FAM204A: variants seen among roughly 807,000 people sequenced by gnomAD.
FAM204A encodes the protein family with sequence similarity 204 member A, also known as protein FAM204A.
A neutral mutation model predicts 35.4 loss-of-function variants in FAM204A; 16 were observed. The ratio of observed to expected loss-of-function variants is 0.45; its 90% confidence interval spans 0.31 to 0.69. The LOEUF (loss-of-function observed/expected upper bound fraction) is 0.69, where lower values mean the gene tolerates loss of function less well. FAM204A is among the 30% of genes least tolerant of loss of function. The pLI, the probability that FAM204A is intolerant of heterozygous loss-of-function variation, is 0.07. For missense variants in FAM204A, 240 were observed against 265.7 expected (o/e 0.90, Z 0.67); for synonymous variants, 76 against 86.9 (o/e 0.88, Z 0.70).
In FAM204A at chr10:118,302,822, T is replaced by C. The variant is rs927622222; in HGVS notation, c.*8035A>G. 6 of 152,226 alleles carry C rather than the reference T, an allele frequency of 3.9e-5. No homozygotes were observed. The highest frequency in any genetic ancestry group is 7.3e-5 in the Non-Finnish European group (5 of 68,046). 9.4% of individuals were successfully genotyped at this position (152,226 alleles called of 1,614,324 possible). The stretch of plus-strand genomic sequence containing the variant: ...TGGTTTGTGATAAGACATGTGCAAG[T>C]TGCACTGACTTGCTTTCCTCTTTCC... On this transcript the variant is annotated 3_prime_UTR_variant, in exon 9 of 9. Coordinates refer to ENST00000369183, the MANE Select transcript of FAM204A (RefSeq NM_022063.3).
chr10:118,326,220 G>C lies in FAM204A; in HGVS notation c.477C>G (p.Asp159Glu), dbSNP rs375193510. Reference sequence around the variant, plus strand: ...CAATATTCCACTCCTCCACAGCCTGGTCTATCCTCTTTTCAAGGCCTGACT... The same window carrying C: ...CAATATTCCACTCCTCCACAGCCTGCTCTATCCTCTTTTCAAGGCCTGACT... ...VEKSGLEKRI[D>E]QAVEEWNIEK... Residue 159 changes from aspartate (D) to glutamate (E), a missense_variant, in exon 7 of 9, where the codon GAC becomes GAG. This residue lies in a region of FAM204A where 232 missense variants were observed against 242.8 expected (regional missense o/e 0.96). Transcript: ENST00000369183. The C allele has an allele frequency of 1.3e-5, 21 of 1,613,258 alleles. No individual in the cohort carries two copies. Among genetic ancestry groups the C allele is most frequent in the Non-Finnish European group, 1.2e-5 (14 of 1,179,686 alleles).
chr10:118,298,620 A>G lies in FAM204A; in HGVS notation c.*12237T>C, dbSNP rs892115527. The G allele has an allele frequency of 3.3e-5, 5 of 152,336 alleles. No individual in the cohort carries two copies. Among genetic ancestry groups the G allele is most frequent in the Middle Eastern group, 6.8e-3 (2 of 294 alleles). 9.4% of individuals were successfully genotyped at this position (152,336 alleles called of 1,614,324 possible). ...CCGATAGAGAAACTTGCTTCAGGACAAGATCTAGCTTGGAGCAGGTCGTAG... is the reference window on the plus strand; with the variant it reads ...CCGATAGAGAAACTTGCTTCAGGACGAGATCTAGCTTGGAGCAGGTCGTAG... On this transcript the variant is annotated 3_prime_UTR_variant, in exon 9 of 9. Coordinates refer to ENST00000369183, the MANE Select transcript of FAM204A (RefSeq NM_022063.3).
rs1009436268 is a variant in FAM204A at position 118,310,022 on chromosome 10, T to G, written c.*835A>C. Reference sequence around the variant, plus strand: ...CTGAAATATCAAGTCTGCCTCCAATTAAAAAAAAACAGTAACTACTTTTAT... The same window carrying G: ...CTGAAATATCAAGTCTGCCTCCAATGAAAAAAAAACAGTAACTACTTTTAT... On this transcript the variant is annotated 3_prime_UTR_variant, in exon 9 of 9. Transcript: ENST00000369183. 4 of 150,922 alleles carry G rather than the reference T, an allele frequency of 2.7e-5. No homozygotes were observed. The highest frequency in any genetic ancestry group is 9.7e-5 in the African/African-American group (4 of 41,042). The allele number at this position is 150,922 out of a possible 1,614,324, so 9.3% of individuals were successfully genotyped here. A position where few individuals can be genotyped will look rare whatever the true frequency, so the allele number is the denominator to read the frequency against.
intron 7 of FAM204A, among the ~76,000 whole-genome samples, chr10:118,319,937 G>A (rs1018529185): frequency 6.6e-6 from 1 of 151,760 alleles, no homozygotes; most frequent in Non-Finnish European, 1.5e-5. Context: ...AATCTTTAAG[G>A]GCATAAAAAA....
At chr10:118,334,400 C>T (rs773635315) in intron 6 of FAM204A, among the ~76,000 whole-genome samples, 7 of 152,162 alleles carry the variant, frequency 4.6e-5, no homozygotes, top group Non-Finnish European at 8.8e-5. Context: ...TTCTACAATA[C>T]GCCTCAAATC....
At chr10:118,337,975 T>C (rs772653796) in intron 2 of FAM204A, among the ~76,000 whole-genome samples, 6 of 152,208 alleles carry the variant, frequency 3.9e-5, no homozygotes, top group Non-Finnish European at 8.8e-5. Context: ...ATTTGCTTCC[T>C]TGATAGTCAC....
At chr10:118,316,133 A>C (rs777611801) in intron 7 of FAM204A, among the ~76,000 whole-genome samples, 2 of 152,174 alleles carry the variant, frequency 1.3e-5, no homozygotes, top group Non-Finnish European at 2.9e-5. Flanking sequence ...ATAACATACA[A>C]AGTTCAAGAA....
At chr10:118,323,537 G>A (rs1461730443) in intron 7 of FAM204A, among the ~76,000 whole-genome samples, 1 of 151,980 alleles carries the variant, frequency 6.6e-6, no homozygotes, top group Non-Finnish European at 1.5e-5. Context: ...CATCCCTAAG[G>A]ACTGGTTACT....
In FAM204A at chr10:118,335,588, T is replaced by C; in HGVS notation, c.288A>G (p.Arg96=). 1 of 1,611,676 alleles carries C rather than the reference T, an allele frequency of 6.2e-7. No individual in the cohort carries two copies. The highest frequency in any genetic ancestry group is 8.5e-7 in the Non-Finnish European group (1 of 1,179,466). ...AGCGTTTTCTTCTTTTCCCTCTGAA[T>C]CTTGAGGTTGTGCTTTTCTGTTCAG... The part of the protein sequence containing the change: ...KHSEQKSTTS[R]FRGKRRKRSR... Residue 96 remains arginine (R), a synonymous_variant, in exon 4 of 9, where the codon AGA becomes AGG. Coordinates refer to ENST00000369183, the MANE Select transcript of FAM204A (RefSeq NM_022063.3).
Position 118,336,189 on chromosome 10 carries a change from A to G in FAM204A, c.227T>C (p.Met76Thr), listed in dbSNP as rs1846382516. 11 of 1,613,190 alleles carry G rather than the reference A, an allele frequency of 6.8e-6. No individual in the cohort carries two copies. Among genetic ancestry groups the G allele is most frequent in the Non-Finnish European group, 9.3e-6 (11 of 1,179,554 alleles). Residue 76 changes from methionine to threonine, a missense_variant, in exon 3 of 9, where the codon ATG (methionine) becomes ACG (threonine). By Grantham distance (81) the Met-to-Thr change is moderately conservative. This residue lies in a region of FAM204A where 232 missense variants were observed against 242.8 expected (regional missense o/e 0.96). Transcript: ENST00000369183. ...EECPSGIPIDMWNKFQELHKK... is the reference protein window; with the variant it reads ...EECPSGIPIDTWNKFQELHKK... Reference sequence around the variant, plus strand: ...ATTTCAGAGAAAACCTACATTCCACATATCTATGGGAATTCCAGAAGGACA... The same window carrying G: ...ATTTCAGAGAAAACCTACATTCCACGTATCTATGGGAATTCCAGAAGGACA...
chr10:118,323,260 T>A (rs369920007), intron 7 of FAM204A, among the ~76,000 whole-genome samples: 6 of 152,244 alleles, frequency 3.9e-5, no homozygotes, highest in African/African-American at 1.4e-4. Context: ...GCAGCCATAC[T>A]CTATGTCCCT....
chr10:118,322,239 C>G, intron 7 of FAM204A: 1 of 429,100 alleles, frequency 2.3e-6, no homozygotes. Flanking sequence ...TAACTCCCCA[C>G]AAGACACTTA....
At position 118,305,288 on chromosome 10, in the gene FAM204A, C is replaced by G. The variant is rs1845850206; in HGVS notation, c.*5569G>C. 1.3e-5 allele frequency: 2 copies of G among 152,164 alleles called. No individual in the cohort carries two copies. The highest frequency in any genetic ancestry group is 4.1e-4 in the South Asian group (2 of 4,828). 9.4% of individuals were successfully genotyped at this position (152,164 alleles called of 1,614,324 possible). A position where few individuals can be genotyped will look rare whatever the true frequency, so the allele number is the denominator to read the frequency against. On this transcript the variant is annotated 3_prime_UTR_variant, in exon 9 of 9. Coordinates refer to ENST00000369183, the MANE Select transcript of FAM204A (RefSeq NM_022063.3). ...ATATTTGTAGTAGTAGGAAGCATTA[C>G]CCTAACATGGGAAGGTACTGTGGCC...
Position 118,303,423 on chromosome 10 carries a change from G to A in FAM204A, c.*7434C>T, listed in dbSNP as rs1331059424. 1.3e-5 allele frequency: 2 copies of A among 152,242 alleles called. No homozygotes were observed. The highest frequency in any genetic ancestry group is 6.5e-5 in the Admixed American group (1 of 15,280). The allele number at this position is 152,242 out of a possible 1,614,324, so 9.4% of individuals were successfully genotyped here. On this transcript the variant is annotated 3_prime_UTR_variant, in exon 9 of 9. Transcript: ENST00000369183. ...TTAAATAGTTTAACTGGAAGGACCA[G>A]GTATGTATCCTCCACCCCTTCCATC...
chr10:118,333,654 C>T (rs1462678591), intron 6 of FAM204A, among the ~76,000 whole-genome samples: 2 of 152,100 alleles, frequency 1.3e-5, no homozygotes, highest in Admixed American at 6.6e-5. Flanking sequence ...TCCTCTTATG[C>T]TTGTGTTTAT....
At chr10:118,319,496 A>G (rs964004079) in intron 7 of FAM204A, among the ~76,000 whole-genome samples, 1 of 152,012 alleles carries the variant, frequency 6.6e-6, no homozygotes, top group African/African-American at 2.4e-5. Flanking sequence ...CATTCTGCCA[A>G]TACAACACTT....
At chr10:118,333,937 T>C (rs568366485) in intron 6 of FAM204A, among the ~76,000 whole-genome samples, 1 of 152,270 alleles carries the variant, frequency 6.6e-6, no homozygotes, top group East Asian at 1.9e-4. Context: ...ACACATAGTC[T>C]ACAGCAATGA....
Position 118,302,375 on chromosome 10 carries a change from G to A in FAM204A, c.*8482C>T, listed in dbSNP as rs901044469. Reference sequence around the variant, plus strand: ...AGCCGTCACTGCCACAGGCTACGGAGGTAAAGGAAGCAGCAAAACAAATCT... The same window carrying A: ...AGCCGTCACTGCCACAGGCTACGGAAGTAAAGGAAGCAGCAAAACAAATCT... On this transcript the variant is annotated 3_prime_UTR_variant, in exon 9 of 9. Transcript: ENST00000369183. 6.6e-6 allele frequency: 1 copy of A among 152,242 alleles called. No individual in the cohort carries two copies. Among genetic ancestry groups the A allele is most frequent in the East Asian group, 1.9e-4 (1 of 5,198 alleles). The allele number at this position is 152,242 out of a possible 1,614,324, so 9.4% of individuals were successfully genotyped here.
rs1845781139 is a variant in FAM204A at position 118,299,206 on chromosome 10, A to G, written c.*11651T>C. 1 of 152,026 alleles carries G rather than the reference A, an allele frequency of 6.6e-6. No homozygotes were observed. Among genetic ancestry groups the G allele is most frequent in the Non-Finnish European group, 1.5e-5 (1 of 68,000 alleles). The allele number at this position is 152,026 out of a possible 1,614,324, so 9.4% of individuals were successfully genotyped here. ...ATCTTCTCAGAAAATCTATGGCTGA[A>G]CTTTTCAGGTTCTTCCTTTGGGCAG... On this transcript the variant is annotated 3_prime_UTR_variant, in exon 9 of 9. Transcript: ENST00000369183.
Sources: allele counts gnomAD v4.1 joint callset (sites outside exome capture counted in the v4.1 genomes callset), GRCh38; gene constraint gnomAD v4.1.1; regional missense constraint gnomAD v4.1.1; transcripts MANE v1.5; gene names NCBI Gene and HGNC (gene_info 2026-07-23, HGNC 2026-07-21).